The following SEMA3E variants were observed in gnomAD, a reference collection of about 807,000 sequenced individuals.
The protein encoded by SEMA3E is semaphorin-3E.
SEMA3E carries 49 observed loss-of-function variants against 93.6 expected under a neutral mutation model. That is an observed-to-expected ratio of 0.52 (90% CI 0.42 to 0.66). The LOEUF (loss-of-function observed/expected upper bound fraction) is 0.66, where lower values mean the gene tolerates loss of function less well. Ranked by LOEUF, SEMA3E falls within the 30% of genes least tolerant of loss-of-function variation. SEMA3E has a pLI of 0.00. For missense variants in SEMA3E, 906 were observed against 964.8 expected, an observed-to-expected ratio of 0.94 and a Z score of 0.81; for synonymous variants, 363 against 330.7, an observed-to-expected ratio of 1.10 and a Z score of -1.06.
At chr7:83,605,603 T>C (rs1308195235) in intron 1 of SEMA3E, among the ~76,000 whole-genome samples, 1 of 151,982 alleles carries the variant, frequency 6.6e-6, no homozygotes. Context: ...GCTATTTTTG[T>C]ATTTTTAGTA....
chr7:83,511,136 G>T (rs1790808688), intron 1 of SEMA3E, among the ~76,000 whole-genome samples: 3 of 152,030 alleles, frequency 2.0e-5, no homozygotes, highest in African/African-American at 7.2e-5. Context: ...AGTCTGTAGG[G>T]TTTTTAAGAC....
Position 83,402,688 on chromosome 7 carries a change from G to T in SEMA3E, c.1087C>A (p.Pro363Thr). The change falls in exon 10 of 17, where the codon CCT becomes ACT. Residue 363 changes from proline to threonine, a missense_variant. Pro to Thr is a conservative substitution (Grantham distance 38). Coordinates refer to ENST00000643230, the MANE Select transcript of SEMA3E (RefSeq NM_012431.3). The stretch of plus-strand genomic sequence containing the variant: ...TCATAGACTGACCAGTGGTATTCAG[G>T]TCCTTCCTTATGTGCATATGGTCCG... Reference protein sequence around the residue: ...FNGPYAHKEGPEYHWSVYEGK... With the variant: ...FNGPYAHKEGTEYHWSVYEGK... 1 of 1,613,004 alleles carries T rather than the reference G, an allele frequency of 6.2e-7. No homozygotes were observed. Among genetic ancestry groups the T allele is most frequent in the Non-Finnish European group, 8.5e-7 (1 of 1,179,238 alleles).
At chr7:83,618,353 C>G (rs1793471350) in intron 1 of SEMA3E, among the ~76,000 whole-genome samples, 1 of 152,032 alleles carries the variant, frequency 6.6e-6, no homozygotes, top group African/African-American at 2.4e-5. Context: ...TCTCTCTGAT[C>G]TCATTATACA....
At chr7:83,535,496 A>G (rs773366158) in intron 1 of SEMA3E, among the ~76,000 whole-genome samples, 3 of 151,972 alleles carry the variant, frequency 2.0e-5, no homozygotes, top group Non-Finnish European at 4.4e-5. Flanking sequence ...TTAGGTAATC[A>G]CAGCAGTCAC....
intron 1 of SEMA3E, among the ~76,000 whole-genome samples, chr7:83,615,011 C>G (rs2115600090): frequency 6.6e-6 from 1 of 152,188 alleles, no homozygotes; most frequent in African/African-American, 2.4e-5. Flanking sequence ...CACTGATCAT[C>G]CACTTTAAAT....
At chr7:83,609,391 A>G (rs930715098) in intron 1 of SEMA3E, among the ~76,000 whole-genome samples, 4 of 152,002 alleles carry the variant, frequency 2.6e-5, no homozygotes, top group Non-Finnish European at 4.4e-5. Context: ...CTTAGAATCT[A>G]TGTTTTCAGA....
At chr7:83,440,357 T>C (rs1012616666) in intron 4 of SEMA3E, among the ~76,000 whole-genome samples, 20 of 152,224 alleles carry the variant, frequency 1.3e-4, no homozygotes, top group African/African-American at 4.6e-4. Context: ...TCTAGGATGC[T>C]TTTCCTAAGG....
At chr7:83,509,252 AG>A (rs1413202676) in intron 1 of SEMA3E, among the ~76,000 whole-genome samples, 1 of 152,186 alleles carries the variant, frequency 6.6e-6, no homozygotes, top group South Asian at 2.1e-4. Flanking sequence ...ATGATTTTCA[AG>A]GGAGAAAATG....
intron 1 of SEMA3E, among the ~76,000 whole-genome samples, chr7:83,632,649 C>T (rs1321241190): frequency 1.3e-5 from 2 of 152,088 alleles, no homozygotes; most frequent in Admixed American, 1.3e-4. Flanking sequence ...CGTAAATTGC[C>T]CAGTCTCAGG....
chr7:83,464,011 A>C (rs142187105), intron 4 of SEMA3E, among the ~76,000 whole-genome samples: 1 of 151,848 alleles, frequency 6.6e-6, no homozygotes, highest in African/African-American at 2.4e-5. Flanking sequence ...CATTTCTTCC[A>C]TTCTGTCAGA....
At chr7:83,405,841 A>T in intron 8 of SEMA3E, 104 bp downstream of exon 8, 1 of 899,348 alleles carries the variant, frequency 1.1e-6, no homozygotes, top group Non-Finnish European at 1.8e-6. Context: ...TATGTTAGAT[A>T]GAGGTCAAAT....
At chr7:83,433,811 G>A (rs1788937859) in intron 4 of SEMA3E, among the ~76,000 whole-genome samples, 1 of 152,060 alleles carries the variant, frequency 6.6e-6, no homozygotes, top group Non-Finnish European at 1.5e-5. Flanking sequence ...ATTTGAGGGT[G>A]TAGCTCAAAA....
intron 14 of SEMA3E, among the ~76,000 whole-genome samples, chr7:83,389,714 G>A (rs1371697376): frequency 1.4e-5 from 2 of 139,480 alleles, no homozygotes; most frequent in African/African-American, 2.7e-5. Flanking sequence ...ATATATACAC[G>A]TATATATTAC....
intron 2 of SEMA3E, among the ~76,000 whole-genome samples, chr7:83,486,239 C>G (rs1032208914): frequency 6.6e-6 from 1 of 152,022 alleles, no homozygotes; most frequent in Admixed American, 6.6e-5. Context: ...AGTGTGGAGA[C>G]TTTTCCTGAT....
Position 83,369,529 on chromosome 7 carries a change from C to T in SEMA3E, c.1876-1491G>A, listed in dbSNP as rs375893718. ...TAATAACTCAGAAGCTTCAGAGTGT[C>T]CTAGTTGGGCTAATAAAAGAGTCTC... On this transcript the variant is annotated intron_variant, in intron 16 of 16. Transcript: ENST00000643230. Among the ~76,000 whole-genome samples the T allele has an allele frequency of 9.2e-5, 14 of 152,212 alleles. 1 individual carries two copies. The highest frequency in any genetic ancestry group is 9.6e-5 in the African/African-American group (4 of 41,522).
intron 1 of SEMA3E, among the ~76,000 whole-genome samples, chr7:83,498,992 C>A (rs1023794008): frequency 1.3e-5 from 2 of 151,884 alleles, no homozygotes; most frequent in Non-Finnish European, 2.9e-5. Context: ...TAATTCTCAA[C>A]TTTTTTACAG....
chr7:83,451,509 T>G (rs1240876380), intron 4 of SEMA3E, among the ~76,000 whole-genome samples: 2 of 152,208 alleles, frequency 1.3e-5, no homozygotes, highest in Admixed American at 6.5e-5. Flanking sequence ...TATTTACTAC[T>G]AGATTCTAAG....
At chr7:83,458,038 C>CATAT (rs562858423) in intron 4 of SEMA3E, among the ~76,000 whole-genome samples, 1 of 150,576 alleles carries the variant, frequency 6.6e-6, no homozygotes, top group Non-Finnish European at 1.5e-5. Context: ...TCTCTTGTGA[C>CATAT]ATATATATAT....
chr7:83,577,588 A>G (rs1006641919), intron 1 of SEMA3E, among the ~76,000 whole-genome samples: 5 of 152,184 alleles, frequency 3.3e-5, no homozygotes, highest in African/African-American at 1.2e-4. Flanking sequence ...TTTTGCTTAA[A>G]TCAATTATAT....
Sources: allele counts gnomAD v4.1 joint callset (sites outside exome capture counted in the v4.1 genomes callset), GRCh38; gene constraint gnomAD v4.1.1; transcripts MANE v1.5; gene names NCBI Gene and HGNC (gene_info 2026-07-23, HGNC 2026-07-21).